The following FAM43B variants were observed in gnomAD, a reference collection of about 807,000 sequenced individuals.
FAM43B encodes the protein protein FAM43B.
In FAM43B, 17 loss-of-function variants were observed where a neutral mutation model predicts 20.1. That is an observed-to-expected ratio of 0.84 (90% CI 0.58 to 1.27). FAM43B has a LOEUF of 1.27. Ranked by LOEUF, FAM43B falls within the 50% of genes most tolerant of loss-of-function variation. The pLI is 0.00. For synonymous variants in FAM43B, 208 were observed against 238.5 expected, an observed-to-expected ratio of 0.87 and a Z score of 1.18; for missense variants, 512 against 516.7, an observed-to-expected ratio of 0.99 and a Z score of 0.09.
chr1:20,553,626 GC>G lies in FAM43B; in HGVS notation c.655del (p.Gln219SerfsTer79). On this transcript the variant is annotated frameshift_variant, in exon 1 of 1. Transcript: ENST00000332947. LOFTEE classifies it high-confidence loss of function. The surrounding 1 kb of genome is among the most constrained non-coding windows in gnomAD (Gnocchi z 6.5). ...CGCCAGAGCGACGCGCGCCACGTGC[GC>G]CAGCAGCATCTCCGCGCTGGGGGCG... Reference protein sequence around the residue: ...LQRQSDARHVRQQHLRAGGAA... With the variant: ...LQRQSDARHVXQQHLRAGGAA... The G allele has an allele frequency of 7.8e-7, 1 of 1,280,952 alleles. No individual in the cohort carries two copies. The highest frequency in any genetic ancestry group is 9.8e-7 in the Non-Finnish European group (1 of 1,021,310). 79.3% of individuals were successfully genotyped at this position (1,280,952 alleles called of 1,614,324 possible). A position where few individuals can be genotyped will look rare whatever the true frequency, so the allele number is the denominator to read the frequency against.
In FAM43B at chr1:20,553,904, C is replaced by A. The variant is rs1219451939; in HGVS notation, c.931C>A (p.Pro311Thr). The A allele has an allele frequency of 6.3e-6, 8 of 1,260,088 alleles. No individual in the cohort carries two copies. Among genetic ancestry groups the A allele is most frequent in the Admixed American group, 4.3e-5 (1 of 23,154 alleles). 78.1% of individuals were successfully genotyped at this position (1,260,088 alleles called of 1,614,324 possible). ...GCGGGGCGCCCCGGCGCCCCCGCCG[C>A]CCGCGCAGCCCCGCCGCTGGAAGGC... ...SLRGAPAPPP[P>T]AQPRRWKAGP... The change falls in exon 1 of 1, where the codon CCC becomes ACC. Residue 311 changes from proline (P) to threonine (T), a missense_variant. By Grantham distance (38) the Pro-to-Thr change is conservative. Transcript: ENST00000332947. The surrounding 1 kb of genome is among the most constrained non-coding windows in gnomAD (Gnocchi z 6.5).
In FAM43B at chr1:20,553,685, C is replaced by A. The variant is rs753182171; in HGVS notation, c.712C>A (p.Arg238Ser). 3.5e-6 allele frequency: 5 copies of A among 1,418,790 alleles called. No individual in the cohort carries two copies. In the South Asian group the frequency reaches 5.5e-5, roughly 16 times the overall value. The allele number at this position is 1,418,790 out of a possible 1,614,324, so 87.9% of individuals were successfully genotyped here. Residue 238 changes from arginine to serine, a missense_variant, in exon 1 of 1, where the codon CGC becomes AGC. Arg to Ser is a moderately radical substitution (Grantham distance 110, BLOSUM62 -1). Transcript: ENST00000332947. This position sits in a 1 kb window ranked among gnomAD's most constrained non-coding sequence, Gnocchi z 6.5. ...AASVPRAPLR[R>S]LLNAKCAYRP... ...CTCGGTGCCCCGCGCCCCACTGCGC[C>A]GCCTGCTCAATGCCAAGTGCGCCTA...
chr1:20,552,703 C>A lies in FAM43B; in HGVS notation c.-271C>A. On this transcript the variant is annotated 5_prime_UTR_variant, in exon 1 of 1. Coordinates refer to ENST00000332947, the MANE Select transcript of FAM43B (RefSeq NM_207334.3). ...CACCCCCAGCCCCGGCCCCTCCTCG[C>A]TTCCCAGACGGCTGGAGACACTCCC... The A allele has an allele frequency of 1.9e-6, 1 of 523,882 alleles. No individual in the cohort carries two copies. Among genetic ancestry groups the A allele is most frequent in the Non-Finnish European group, 3.4e-6 (1 of 295,624 alleles). The allele number at this position is 523,882 out of a possible 1,614,324, so 32.5% of individuals were successfully genotyped here. A position where few individuals can be genotyped will look rare whatever the true frequency, so the allele number is the denominator to read the frequency against.
Position 20,553,284 on chromosome 1 carries a change from C to T in FAM43B, c.311C>T (p.Pro104Leu), listed in dbSNP as rs761881246. 1.0e-5 allele frequency: 16 copies of T among 1,606,608 alleles called. 1 individual carries two copies. The highest frequency in any genetic ancestry group is 8.5e-7 in the Non-Finnish European group (1 of 1,177,242). The change falls in exon 1 of 1, where the codon CCT becomes CTT. Residue 104 changes from proline to leucine, a missense_variant. Coordinates refer to ENST00000332947, the MANE Select transcript of FAM43B (RefSeq NM_207334.3). The surrounding 1 kb of genome is among the most constrained non-coding windows in gnomAD (Gnocchi z 6.5). ...GGCAAGATCTGGGCTCGCTGCGGGC[C>T]TGGCGGGGGCACTAAGATGAAGCTG... ...AVGKIWARCG[P>L]GGGTKMKLTL...
At position 20,553,823 on chromosome 1, in the gene FAM43B, C is replaced by G. The variant is rs916650133; in HGVS notation, c.850C>G (p.Gln284Glu). The part of the protein sequence containing the change: ...DAEEQEGGVP[Q>E]RERPEVLSLA... ...GGAGGAGCAAGAGGGAGGAGTCCCC[C>G]AGCGCGAGCGGCCGGAGGTGCTCAG... is the stretch of plus-strand genomic sequence containing the variant. The change falls in exon 1 of 1, where the codon CAG becomes GAG. Residue 284 changes from glutamine (Q) to glutamate (E), a missense_variant. Coordinates refer to ENST00000332947, the MANE Select transcript of FAM43B (RefSeq NM_207334.3). This position sits in a 1 kb window ranked among gnomAD's most constrained non-coding sequence, Gnocchi z 6.5. 7 of 1,464,012 alleles carry G rather than the reference C, an allele frequency of 4.8e-6. No homozygotes were observed. In the African/African-American group the frequency reaches 8.9e-5, roughly 19 times the overall value. The allele number at this position is 1,464,012 out of a possible 1,614,324, so 90.7% of individuals were successfully genotyped here.
In FAM43B at chr1:20,554,709, C is replaced by T. The variant is rs1420816963; in HGVS notation, c.*746C>T. ...TGCAGACGGATGTGTGTGGCCCCCTCCTAGGTGCCCCACAACCAGGACCAA... is the reference window on the plus strand; with the variant it reads ...TGCAGACGGATGTGTGTGGCCCCCTTCTAGGTGCCCCACAACCAGGACCAA... On this transcript the variant is annotated 3_prime_UTR_variant, in exon 1 of 1. Coordinates refer to ENST00000332947, the MANE Select transcript of FAM43B (RefSeq NM_207334.3). The T allele has an allele frequency of 6.0e-6, 1 of 167,166 alleles. No individual in the cohort carries two copies. The highest frequency in any genetic ancestry group is 1.5e-5 in the Non-Finnish European group (1 of 68,170). The allele number at this position is 167,166 out of a possible 1,614,324, so 10.4% of individuals were successfully genotyped here. A position where few individuals can be genotyped will look rare whatever the true frequency, so the allele number is the denominator to read the frequency against.
At position 20,553,202 on chromosome 1, in the gene FAM43B, C is replaced by G; in HGVS notation, c.229C>G (p.Leu77Val). The change falls in exon 1 of 1, where the codon CTG (leucine) becomes GTG (valine). Residue 77 changes from leucine (L) to valine (V), a missense_variant. Leu to Val is a conservative substitution (Grantham distance 32). Transcript: ENST00000332947. The surrounding 1 kb of genome is among the most constrained non-coding windows in gnomAD (Gnocchi z 6.5). ...KEDPTYTVWY[L>V]GNAVTLHAKG... is the part of the protein sequence containing the mutation. ...GGACCCGACCTACACCGTGTGGTACCTGGGCAACGCCGTCACCCTGCACGC... is the reference window on the plus strand; with the variant it reads ...GGACCCGACCTACACCGTGTGGTACGTGGGCAACGCCGTCACCCTGCACGC... The G allele has an allele frequency of 6.2e-7, 1 of 1,613,632 alleles. No individual in the cohort carries two copies. The highest frequency in any genetic ancestry group is 8.5e-7 in the Non-Finnish European group (1 of 1,179,872).
chr1:20,552,935 G>T lies in FAM43B; in HGVS notation c.-39G>T. 1 of 1,605,624 alleles carries T rather than the reference G, an allele frequency of 6.2e-7. No individual in the cohort carries two copies. Among genetic ancestry groups the T allele is most frequent in the South Asian group, 1.1e-5 (1 of 90,138 alleles). ...CCCGGTCTCCCGACAGGACGCCGGTGAGCTCCCTGCGCCCCCAGCCCCTTT... is the reference window on the plus strand; with the variant it reads ...CCCGGTCTCCCGACAGGACGCCGGTTAGCTCCCTGCGCCCCCAGCCCCTTT... On this transcript the variant is annotated 5_prime_UTR_variant, in exon 1 of 1. Transcript: ENST00000332947.
At position 20,553,099 on chromosome 1, in the gene FAM43B, C is replaced by G. The variant is rs767479249; in HGVS notation, c.126C>G (p.Asp42Glu). The change falls in exon 1 of 1, where the codon GAC becomes GAG. Residue 42 changes from aspartate (D) to glutamate (E), a missense_variant. Physicochemically the swap from Asp to Glu is conservative, Grantham distance 45. Coordinates refer to ENST00000332947, the MANE Select transcript of FAM43B (RefSeq NM_207334.3). The surrounding 1 kb of genome is among the most constrained non-coding windows in gnomAD (Gnocchi z 6.5). ...LLSSFLRSCP[D>E]LLPDWPLERL... ...CCAGCTTCCTGCGCTCCTGCCCGGA[C>G]CTGCTGCCCGACTGGCCGCTGGAGC... 6.2e-7 allele frequency: 1 copy of G among 1,613,474 alleles called. No individual in the cohort carries two copies. The highest frequency in any genetic ancestry group is 1.7e-5 in the Admixed American group (1 of 60,010).
chr1:20,553,636 T>A lies in FAM43B; in HGVS notation c.663T>A (p.His221Gln). ...QSDARHVRQQHLRAGGAAASV... is the reference protein window; with the variant it reads ...QSDARHVRQQQLRAGGAAASV... The stretch of plus-strand genomic sequence containing the variant: ...ACGCGCGCCACGTGCGCCAGCAGCA[T>A]CTCCGCGCTGGGGGCGCCGCCGCCT... Residue 221 changes from histidine to glutamine, a missense_variant, in exon 1 of 1, where the codon CAT (histidine) becomes CAA (glutamine). Physicochemically the swap from His to Gln is conservative, Grantham distance 24 (BLOSUM62 0). Transcript: ENST00000332947. The surrounding 1 kb of genome is among the most constrained non-coding windows in gnomAD (Gnocchi z 6.5). 1 of 1,283,314 alleles carries A rather than the reference T, an allele frequency of 7.8e-7. No individual in the cohort carries two copies. The highest frequency in any genetic ancestry group is 9.8e-7 in the Non-Finnish European group (1 of 1,022,286). The allele number at this position is 1,283,314 out of a possible 1,614,324, so 79.5% of individuals were successfully genotyped here.
rs957134730 is a variant in FAM43B, at chr1:20,553,769, G to A, written c.796G>A (p.Glu266Lys). The change falls in exon 1 of 1, where the codon GAG (glutamate) becomes AAG (lysine). Residue 266 changes from glutamate (E) to lysine (K), a missense_variant. Physicochemically the swap from Glu to Lys is moderately conservative, Grantham distance 56. Coordinates refer to ENST00000332947, the MANE Select transcript of FAM43B (RefSeq NM_207334.3). The surrounding 1 kb of genome is among the most constrained non-coding windows in gnomAD (Gnocchi z 6.5). ...GAPRLSSIQE[E>K]DEEEEEDDAE... is the part of the protein sequence containing the mutation. ...GCCGCGCCTCAGCAGCATCCAGGAG[G>A]AGGACGAGGAGGAGGAGGAGGACGA... The A allele has an allele frequency of 2.1e-5, 31 of 1,474,644 alleles. No individual in the cohort carries two copies. Among genetic ancestry groups the A allele is most frequent in the Non-Finnish European group, 2.7e-5 (30 of 1,108,078 alleles). 91.3% of individuals were successfully genotyped at this position (1,474,644 alleles called of 1,614,324 possible). A position where few individuals can be genotyped will look rare whatever the true frequency, so the allele number is the denominator to read the frequency against.
In FAM43B at chr1:20,553,380, G is replaced by A; in HGVS notation, c.407G>A (p.Arg136Lys). Reference sequence around the variant, plus strand: ...GCCGCCGGGGGTTCGGGGGGCCGCAGGCCGGCGCACGCCTACCTGCTGCCG... The same window carrying A: ...GCCGCCGGGGGTTCGGGGGGCCGCAAGCCGGCGCACGCCTACCTGCTGCCG... Reference protein sequence around the residue: ...RSAAGGSGGRRPAHAYLLPRI... With the variant: ...RSAAGGSGGRKPAHAYLLPRI... Residue 136 changes from arginine (R) to lysine (K), a missense_variant, in exon 1 of 1, where the codon AGG becomes AAG. By Grantham distance (26) the Arg-to-Lys change is conservative. Coordinates refer to ENST00000332947, the MANE Select transcript of FAM43B (RefSeq NM_207334.3). This position sits in a 1 kb window ranked among gnomAD's most constrained non-coding sequence, Gnocchi z 6.5. 1 of 1,474,138 alleles carries A rather than the reference G, an allele frequency of 6.8e-7. No individual in the cohort carries two copies. Among genetic ancestry groups the A allele is most frequent in the Non-Finnish European group, 8.9e-7 (1 of 1,121,922 alleles). The allele number at this position is 1,474,138 out of a possible 1,614,324, so 91.3% of individuals were successfully genotyped here.
In FAM43B at chr1:20,552,932, G is replaced by A. The variant is rs777944124; in HGVS notation, c.-42G>A. On this transcript the variant is annotated 5_prime_UTR_variant, in exon 1 of 1. Coordinates refer to ENST00000332947, the MANE Select transcript of FAM43B (RefSeq NM_207334.3). The stretch of plus-strand genomic sequence containing the variant: ...TCCCCCGGTCTCCCGACAGGACGCC[G>A]GTGAGCTCCCTGCGCCCCCAGCCCC... The A allele has an allele frequency of 3.7e-6, 6 of 1,603,910 alleles. No homozygotes were observed. Among genetic ancestry groups the A allele is most frequent in the South Asian group, 3.3e-5 (3 of 89,874 alleles).
chr1:20,552,791 AC>A lies in FAM43B; in HGVS notation c.-181del, dbSNP rs1264744095. ...ACCTCGGCTGCTGGCCCGGCTGGGC[AC>A]CGGGCATCTGCGAAGCTAGCCCTGC... On this transcript the variant is annotated 5_prime_UTR_variant, in exon 1 of 1. Transcript: ENST00000332947. The A allele has an allele frequency of 2.8e-6, 2 of 726,158 alleles. No individual in the cohort carries two copies. Among genetic ancestry groups the A allele is most frequent in the African/African-American group, 3.6e-5 (2 of 55,392 alleles). 45.0% of individuals were successfully genotyped at this position (726,158 alleles called of 1,614,324 possible).
At position 20,553,994 on chromosome 1, in the gene FAM43B, C is replaced by A; in HGVS notation, c.*31C>A. 2 of 1,208,592 alleles carry A rather than the reference C, an allele frequency of 1.7e-6. No homozygotes were observed. Among genetic ancestry groups the A allele is most frequent in the South Asian group, 4.1e-5 (1 of 24,418 alleles). 74.9% of individuals were successfully genotyped at this position (1,208,592 alleles called of 1,614,324 possible). On this transcript the variant is annotated 3_prime_UTR_variant, in exon 1 of 1. Transcript: ENST00000332947. The surrounding 1 kb of genome is among the most constrained non-coding windows in gnomAD (Gnocchi z 6.5). ...GAAGGACAGGACTCGCAGCCCCAGG[C>A]CCGACCCGCCAGACTCACAGCCTCC...
Position 20,553,242 on chromosome 1 carries a change from G to A in FAM43B, c.269G>A (p.Cys90Tyr). The change falls in exon 1 of 1, where the codon TGC (cysteine) becomes TAC (tyrosine). Residue 90 changes from cysteine to tyrosine, a missense_variant. By Grantham distance (194) the Cys-to-Tyr change is radical. Transcript: ENST00000332947. The surrounding 1 kb of genome is among the most constrained non-coding windows in gnomAD (Gnocchi z 6.5). The stretch of plus-strand genomic sequence containing the variant: ...ACCCTGCACGCCAAGGGCGACGGCT[G>A]CACCGACGACGCCGTGGGCAAGATC... The part of the protein sequence containing the change: ...AVTLHAKGDG[C>Y]TDDAVGKIWA... 1.2e-6 allele frequency: 2 copies of A among 1,613,040 alleles called. No individual in the cohort carries two copies. The highest frequency in any genetic ancestry group is 1.7e-6 in the Non-Finnish European group (2 of 1,179,752).
In FAM43B at chr1:20,553,113, G is replaced by C; in HGVS notation, c.140G>C (p.Trp47Ser). 1 of 1,613,478 alleles carries C rather than the reference G, an allele frequency of 6.2e-7. No homozygotes were observed. Among genetic ancestry groups the C allele is most frequent in the Non-Finnish European group, 8.5e-7 (1 of 1,179,882 alleles). Residue 47 changes from tryptophan (W) to serine (S), a missense_variant, in exon 1 of 1, where the codon TGG (tryptophan) becomes TCG (serine). Transcript: ENST00000332947. This position sits in a 1 kb window ranked among gnomAD's most constrained non-coding sequence, Gnocchi z 6.5. ...LRSCPDLLPD[W>S]PLERLGRVFR... is the part of the protein sequence containing the mutation. ...TCCTGCCCGGACCTGCTGCCCGACT[G>C]GCCGCTGGAGCGCTTGGGCCGTGTG...
chr1:20,553,607 A>G lies in FAM43B; in HGVS notation c.634A>G (p.Ser212Gly). The change falls in exon 1 of 1, where the codon AGC (serine) becomes GGC (glycine). Residue 212 changes from serine to glycine, a missense_variant. Coordinates refer to ENST00000332947, the MANE Select transcript of FAM43B (RefSeq NM_207334.3). The surrounding 1 kb of genome is among the most constrained non-coding windows in gnomAD (Gnocchi z 6.5). The part of the protein sequence containing the change: ...FSDFKRLQRQ[S>G]DARHVRQQHL... ...CGACTTCAAGCGCCTGCAGCGCCAG[A>G]GCGACGCGCGCCACGTGCGCCAGCA... is the stretch of plus-strand genomic sequence containing the variant. 1 of 1,278,248 alleles carries G rather than the reference A, an allele frequency of 7.8e-7. No homozygotes were observed. The highest frequency in any genetic ancestry group is 9.8e-7 in the Non-Finnish European group (1 of 1,019,766). The allele number at this position is 1,278,248 out of a possible 1,614,324, so 79.2% of individuals were successfully genotyped here.
rs746503348 is a variant in FAM43B at position 20,553,771 on chromosome 1, G to C, written c.798G>C (p.Glu266Asp). 4 of 1,475,272 alleles carry C rather than the reference G, an allele frequency of 2.7e-6. No homozygotes were observed. The South Asian group carries it at 5.1e-5, about 19-fold the overall frequency. The allele number at this position is 1,475,272 out of a possible 1,614,324, so 91.4% of individuals were successfully genotyped here. The change falls in exon 1 of 1, where the codon GAG becomes GAC. Residue 266 changes from glutamate to aspartate, a missense_variant. By Grantham distance (45) the Glu-to-Asp change is conservative (BLOSUM62 2). Coordinates refer to ENST00000332947, the MANE Select transcript of FAM43B (RefSeq NM_207334.3). This position sits in a 1 kb window ranked among gnomAD's most constrained non-coding sequence, Gnocchi z 6.5. ...CGCGCCTCAGCAGCATCCAGGAGGA[G>C]GACGAGGAGGAGGAGGAGGACGACG... is the stretch of plus-strand genomic sequence containing the variant. ...GAPRLSSIQE[E>D]DEEEEEDDAE...
Sources: allele counts gnomAD v4.1 joint callset, GRCh38; gene constraint gnomAD v4.1.1; non-coding constraint Gnocchi (gnomAD v3.1); transcripts MANE v1.5; gene names NCBI Gene and HGNC (gene_info 2026-07-23, HGNC 2026-07-21).